The following BTBD9 variants were observed in gnomAD, a reference collection of about 807,000 sequenced individuals.
The protein encoded by BTBD9 is BTB domain containing 9.
In BTBD9, 49 loss-of-function variants were observed where a neutral mutation model predicts 64.3. The observed-to-expected ratio is 0.76, with a 90% CI of 0.61 to 0.97. BTBD9 has a LOEUF of 0.97. BTBD9 is among the 50% of genes least tolerant of loss of function. The pLI, the probability that BTBD9 is intolerant of heterozygous loss-of-function variation, is 0.00. For synonymous variants in BTBD9, 260 were observed against 274.7 expected, an observed-to-expected ratio of 0.95 and a Z score of 0.53; for missense variants, 598 against 762.1, an observed-to-expected ratio of 0.78 and a Z score of 2.53.
chr6:38,536,707 C>A (rs1774035594), intron 6 of BTBD9, among the ~76,000 whole-genome samples: 1 of 151,994 alleles, frequency 6.6e-6, no homozygotes. Flanking sequence ...GTGAAATAAG[C>A]CAGGCACAGA....
At chr6:38,614,436 G>A (rs1777722053) in intron 1 of BTBD9, among the ~76,000 whole-genome samples, 1 of 152,004 alleles carries the variant, frequency 6.6e-6, no homozygotes, top group Admixed American at 6.6e-5. Context: ...GCATATTTAA[G>A]ACCCCAAAAT....
intron 9 of BTBD9, among the ~76,000 whole-genome samples, chr6:38,194,798 C>T (rs557557566): frequency 1.1e-4 from 16 of 152,248 alleles, no homozygotes; most frequent in South Asian, 6.2e-4. Flanking sequence ...CCTCTCCCTA[C>T]GTCAGTCTGG....
At chr6:38,597,790 T>C (rs1293000497) in intron 2 of BTBD9, 120 bp downstream of exon 2, 5 of 808,186 alleles carry the variant, frequency 6.2e-6, no homozygotes, top group East Asian at 5.2e-5. Flanking sequence ...TTCATAGATA[T>C]TGAATTGAGA....
rs79467263 is a variant in BTBD9 at position 38,526,852 on chromosome 6, A to G, written c.1154+50748T>C. Among the ~76,000 whole-genome samples, 389 of 152,284 alleles carry G rather than the reference A, an allele frequency of 2.6e-3. 5 individuals carry two copies. The East Asian group carries it at 0.036, about 14-fold the overall frequency. On this transcript the variant is annotated intron_variant, in intron 6 of 10. Coordinates refer to ENST00000481247, the MANE Select transcript of BTBD9 (RefSeq NM_001099272.2). ...GTAACTAACGTGGTTTTGATTTTAT[A>G]AGCTCATGGGCAGAAGGGGCTTGCC...
rs559168723 is a variant in BTBD9 at position 38,217,852 on chromosome 6, C to T, written c.1563-25255G>A. ...GCTGCAGGGAGCTGCGCAAGTCAAA[C>T]GAGGCAGAGGCTGGCAGAGGCTGCT... is the stretch of plus-strand genomic sequence containing the variant. On this transcript the variant is annotated intron_variant, in intron 9 of 10. Transcript: ENST00000481247. 1.6e-4 allele frequency among the ~76,000 whole-genome samples: 25 copies of T among 152,170 alleles called. No homozygotes were observed. In the East Asian group the frequency reaches 2.9e-3, roughly 18 times the overall value.
intron 6 of BTBD9, among the ~76,000 whole-genome samples, chr6:38,450,631 G>A (rs1314159427): frequency 6.6e-6 from 1 of 152,316 alleles, no homozygotes; most frequent in Middle Eastern, 3.4e-3. Context: ...TGCTTAGAGA[G>A]AGATTTAAGT....
intron 10 of BTBD9, among the ~76,000 whole-genome samples, chr6:38,179,100 C>A (rs1317779627): frequency 6.6e-6 from 1 of 152,144 alleles, no homozygotes; most frequent in Non-Finnish European, 1.5e-5. Context: ...ATCCGCCCAC[C>A]TCAGCCTCCC....
rs1406747588 is a variant in BTBD9 at position 38,171,886 on chromosome 6, TAATAATAATA to T, written c.*3089_*3098del. ...AAAAAAAAAAAAAAAAAAAAAATAA[TAATAATAATA>T]ATAATAATAATAATGAAAAGTGAAG... On this transcript the variant is annotated 3_prime_UTR_variant, in exon 11 of 11. Transcript: ENST00000481247. The T allele has an allele frequency of 5.7e-3, 583 of 101,848 alleles. 3 individuals carry two copies. The highest frequency in any genetic ancestry group is 0.022 in the African/African-American group (534 of 24,708). The allele number at this position is 101,848 out of a possible 1,614,324, so 6.3% of individuals were successfully genotyped here.
chr6:38,308,708 T>G (rs1355760070), intron 7 of BTBD9, among the ~76,000 whole-genome samples: 2 of 152,036 alleles, frequency 1.3e-5, no homozygotes, highest in East Asian at 3.9e-4. Context: ...CAGGATGAGG[T>G]GATCCTCCCA....
chr6:38,463,229 G>A (rs764247191), intron 6 of BTBD9, among the ~76,000 whole-genome samples: 1 of 152,222 alleles, frequency 6.6e-6, no homozygotes, highest in Non-Finnish European at 1.5e-5. Context: ...ACAGTGATTT[G>A]TATCCTGCCA....
At chr6:38,441,567 C>G (rs1382799418) in intron 6 of BTBD9, among the ~76,000 whole-genome samples, 6 of 151,978 alleles carry the variant, frequency 3.9e-5, no homozygotes, top group Non-Finnish European at 7.4e-5. Context: ...CACCCGCTAC[C>G]GTGCCTGGCT....
intron 6 of BTBD9, among the ~76,000 whole-genome samples, chr6:38,368,149 T>G (rs1221229745): frequency 2.0e-5 from 3 of 152,228 alleles, no homozygotes; most frequent in African/African-American, 4.8e-5. Flanking sequence ...AAGACATTTT[T>G]AATCACTCCC....
intron 9 of BTBD9, chr6:38,193,737 C>T: frequency 2.4e-6 from 2 of 831,646 alleles, no homozygotes; most frequent in Non-Finnish European, 2.8e-6. Flanking sequence ...GAAATGCCAG[C>T]TGCTGGAAGC....
At chr6:38,388,391 G>T (rs1766275681) in intron 6 of BTBD9, among the ~76,000 whole-genome samples, 1 of 152,142 alleles carries the variant, frequency 6.6e-6, no homozygotes, top group Non-Finnish European at 1.5e-5. Flanking sequence ...GTTTTTAAAA[G>T]AAAGTTTGGT....
At chr6:38,176,588 CCTTT>C (rs1370819504) in intron 10 of BTBD9, among the ~76,000 whole-genome samples, 1 of 152,168 alleles carries the variant, frequency 6.6e-6, no homozygotes, top group Middle Eastern at 3.2e-3. Flanking sequence ...TTCCTTCCTT[CCTTT>C]TTTATAAAAT....
At chr6:38,466,167 T>A (rs1423932362) in intron 6 of BTBD9, among the ~76,000 whole-genome samples, 1 of 152,092 alleles carries the variant, frequency 6.6e-6, no homozygotes, top group Non-Finnish European at 1.5e-5. Flanking sequence ...ATGTCTAATT[T>A]ATTAGCATAA....
intron 7 of BTBD9, among the ~76,000 whole-genome samples, chr6:38,318,319 G>C (rs996384358): frequency 6.6e-6 from 1 of 152,184 alleles, no homozygotes; most frequent in Admixed American, 6.5e-5. Context: ...GATACTTGGA[G>C]ATATTTGTCA....
intron 6 of BTBD9, among the ~76,000 whole-genome samples, chr6:38,539,384 C>T (rs1171977851): frequency 6.6e-6 from 1 of 152,132 alleles, no homozygotes; most frequent in Non-Finnish European, 1.5e-5. Flanking sequence ...CTGGGGTTAA[C>T]ACTGATTTCA....
chr6:38,339,182 A>G (rs1764011309), intron 7 of BTBD9, among the ~76,000 whole-genome samples: 1 of 152,256 alleles, frequency 6.6e-6, no homozygotes, highest in African/African-American at 2.4e-5. Context: ...CACTATTTGT[A>G]GTAGTGGAAG....
Sources: gnomAD v4.1 joint callset for allele counts (sites outside exome capture counted in the v4.1 genomes callset) on GRCh38, gnomAD v4.1.1 for gene constraint, MANE v1.5 for transcripts, NCBI Gene and HGNC (gene_info 2026-07-23, HGNC 2026-07-21) for gene names.